The following LINGO2 variants were observed in gnomAD, a reference collection of about 807,000 sequenced individuals.
LINGO2 encodes leucine-rich repeat and immunoglobulin-like domain-containing nogo receptor-interacting protein 2.
In LINGO2, 14 loss-of-function variants were observed where a neutral mutation model predicts 30.6. That is an observed-to-expected ratio of 0.46 (90% confidence interval 0.30 to 0.72). The LOEUF (loss-of-function observed/expected upper bound fraction) is 0.72, where lower values mean the gene tolerates loss of function less well. Ranked by LOEUF, LINGO2 falls within the 30% of genes least tolerant of loss-of-function variation. The pLI is 0.07. For missense variants in LINGO2, 729 were observed against 751.7 expected (o/e 0.97, Z 0.35); for synonymous variants, 317 against 288.5 (o/e 1.10, Z -1.00).
At chr9:28,820,458 C>T in the LINGO2 span, among the ~76,000 whole-genome samples, 1 of 152,286 alleles carries the variant, frequency 6.6e-6, no homozygotes, top group African/African-American at 2.4e-5. Flanking sequence ...TAAAAAGCAA[C>T]ATGTCATGTA....
At chr9:29,197,915 C>A in the LINGO2 span, among the ~76,000 whole-genome samples, 1 of 151,952 alleles carries the variant, frequency 6.6e-6, no homozygotes, top group African/African-American at 2.4e-5. Context: ...CATTTAGTAG[C>A]ACATGAAGGA....
chr9:28,613,937 G>GT (rs11368472), intron 1 of LINGO2, among the ~76,000 whole-genome samples: 19,390 of 151,948 alleles, frequency 0.13, 1,484 homozygotes, highest in African/African-American at 0.2. Context: ...ATTCCATATC[G>GT]TTTTTCATAT....
At chr9:28,617,145 A>G (rs1393031769) in intron 1 of LINGO2, among the ~76,000 whole-genome samples, 1 of 152,166 alleles carries the variant, frequency 6.6e-6, no homozygotes, top group Non-Finnish European at 1.5e-5. Flanking sequence ...TTTAGCTAAT[A>G]ACATATTAAA....
chr9:28,863,570 T>C, the LINGO2 span: 1 of 509,706 alleles, frequency 2.0e-6, no homozygotes, highest in Non-Finnish European at 4.1e-6. Context: ...TTGTTCTCAA[T>C]GGCTCAGTAA....
the LINGO2 span, among the ~76,000 whole-genome samples, chr9:28,900,267 C>T: frequency 6.6e-6 from 1 of 152,184 alleles, no homozygotes; most frequent in African/African-American, 2.4e-5. Context: ...ATGCCCCCAC[C>T]AGTAAATCCT....
chr9:28,582,515 G>A (rs1403492921), intron 1 of LINGO2, among the ~76,000 whole-genome samples: 2 of 152,014 alleles, frequency 1.3e-5, no homozygotes, highest in Non-Finnish European at 1.5e-5. Flanking sequence ...ACAGCCACAT[G>A]CTTCTACACA....
intron 4 of LINGO2, among the ~76,000 whole-genome samples, chr9:28,110,452 A>G (rs552370472): frequency 8.5e-5 from 13 of 152,352 alleles, no homozygotes; most frequent in Middle Eastern, 6.8e-3. Flanking sequence ...ATCAGAGTGA[A>G]CAGGCAACCT....
At chr9:28,813,918 G>A in the LINGO2 span, among the ~76,000 whole-genome samples, 1 of 152,156 alleles carries the variant, frequency 6.6e-6, no homozygotes, top group Non-Finnish European at 1.5e-5. Context: ...TGAAAGGTCA[G>A]TCTGATTGCA....
At chr9:28,128,763 G>A (rs1018666879) in intron 4 of LINGO2, among the ~76,000 whole-genome samples, 1 of 152,168 alleles carries the variant, frequency 6.6e-6, no homozygotes, top group Admixed American at 6.5e-5. Flanking sequence ...AGCTGCCTTT[G>A]TTCCCCATTG....
At chr9:28,097,192 C>T (rs746673334) in intron 4 of LINGO2, among the ~76,000 whole-genome samples, 1 of 152,112 alleles carries the variant, frequency 6.6e-6, no homozygotes, top group African/African-American at 2.4e-5. Flanking sequence ...ACAACAGGTG[C>T]TGGAGGGGAT....
the LINGO2 span, among the ~76,000 whole-genome samples, chr9:28,848,393 GTGTGTATATATA>G: frequency 5.0e-3 from 338 of 67,170 alleles, 2 homozygotes; most frequent in Middle Eastern, 0.024. Flanking sequence ...GTGTGTGTGT[GTGTGTATATATA>G]TATATATATA....
At chr9:28,303,055 C>T (rs946821145) in intron 3 of LINGO2, among the ~76,000 whole-genome samples, 4 of 152,090 alleles carry the variant, frequency 2.6e-5, no homozygotes, top group African/African-American at 9.7e-5. Context: ...TTTCCCACAT[C>T]AAGAATAAAG....
chr9:28,494,924 A>G (rs1819542654), intron 1 of LINGO2, among the ~76,000 whole-genome samples: 2 of 152,190 alleles, frequency 1.3e-5, no homozygotes, highest in Admixed American at 6.5e-5. Flanking sequence ...CTGCTGTGAG[A>G]TGGTATCACA....
intron 2 of LINGO2, among the ~76,000 whole-genome samples, chr9:28,426,210 G>A (rs1402710996): frequency 1.3e-5 from 2 of 151,768 alleles, no homozygotes; most frequent in Non-Finnish European, 2.9e-5. Context: ...AAACACTTTT[G>A]GGGAAAAATG....
At chr9:28,281,957 G>A (rs1196591156) in intron 4 of LINGO2, among the ~76,000 whole-genome samples, 1 of 152,104 alleles carries the variant, frequency 6.6e-6, no homozygotes, top group African/African-American at 2.4e-5. Context: ...AAGGCAAGCT[G>A]AATCTGCTAT....
intron 1 of LINGO2, among the ~76,000 whole-genome samples, chr9:28,587,011 T>C (rs1824578485): frequency 6.6e-6 from 1 of 152,030 alleles, no homozygotes; most frequent in South Asian, 2.1e-4. Flanking sequence ...GTTTATATAG[T>C]TATAGACAGA....
chr9:28,817,049 A>C, the LINGO2 span, among the ~76,000 whole-genome samples: 1 of 152,228 alleles, frequency 6.6e-6, no homozygotes, highest in African/African-American at 2.4e-5. Context: ...TATTTTACCT[A>C]GCATGGCAAT....
At chr9:28,904,586 A>C in the LINGO2 span, among the ~76,000 whole-genome samples, 1 of 152,042 alleles carries the variant, frequency 6.6e-6, no homozygotes, top group African/African-American at 2.4e-5. Flanking sequence ...AAAGAAACCA[A>C]AAGAACAATC....
At chr9:29,112,277 G>A in the LINGO2 span, among the ~76,000 whole-genome samples, 3 of 151,994 alleles carry the variant, frequency 2.0e-5, no homozygotes, top group South Asian at 6.2e-4. Flanking sequence ...TAGGACCAGC[G>A]GCATGAGCAT....
Sources: allele counts gnomAD v4.1 joint callset (sites outside exome capture counted in the v4.1 genomes callset), GRCh38; gene constraint gnomAD v4.1.1; transcripts MANE v1.5; gene names NCBI Gene and HGNC (gene_info 2026-07-23, HGNC 2026-07-21).